Variants in PRKN observed in about 807,000 individuals in gnomAD.
The protein encoded by PRKN is parkin RBR E3 ubiquitin protein ligase.
A neutral mutation model predicts 59.5 loss-of-function variants in PRKN; 56 were observed. The observed-to-expected ratio is 0.94, with a 90% CI of 0.76 to 1.18. PRKN has a LOEUF of 1.18. Ranked by LOEUF, PRKN falls within the 50% of genes most tolerant of loss-of-function variation. The pLI is 0.00. For synonymous variants in PRKN, 250 were observed against 222.1 expected (o/e 1.13, Z -1.12); for missense variants, 657 against 596.4 (o/e 1.10, Z -1.06).
chr6:162,321,372 C>T (rs1783017250), intron 2 of PRKN, among the ~76,000 whole-genome samples: 1 of 151,854 alleles, frequency 6.6e-6, no homozygotes, highest in Non-Finnish European at 1.5e-5. Flanking sequence ...ATTGAAGAAA[C>T]TGATACTGCA....
At chr6:161,979,871 T>A (rs555902874) in intron 5 of PRKN, among the ~76,000 whole-genome samples, 7 of 152,286 alleles carry the variant, frequency 4.6e-5, no homozygotes, top group Non-Finnish European at 1.0e-4. Context: ...CCTTCACCCA[T>A]GACTCATAAG....
intron 9 of PRKN, among the ~76,000 whole-genome samples, chr6:161,436,847 G>T (rs1344257431): frequency 6.6e-6 from 1 of 151,996 alleles, no homozygotes; most frequent in Non-Finnish European, 1.5e-5. Context: ...CTCTCTATGT[G>T]TTAGGTTCCA....
At chr6:161,946,418 T>A (rs78764028) in intron 6 of PRKN, among the ~76,000 whole-genome samples, 5,201 of 34,660 alleles carry the variant, frequency 0.15, 183 homozygotes, top group African/African-American at 0.26. Flanking sequence ...ACACACACTC[T>A]CTCTCTCTCT....
chr6:162,077,914 T>A (rs1056578015), intron 4 of PRKN, among the ~76,000 whole-genome samples: 1 of 149,190 alleles, frequency 6.7e-6, no homozygotes, highest in African/African-American at 2.5e-5. Flanking sequence ...GGCAGGATAA[T>A]CACTTGAACT....
chr6:162,453,042 G>T (rs921937423), intron 1 of PRKN, among the ~76,000 whole-genome samples: 1 of 152,126 alleles, frequency 6.6e-6, no homozygotes, highest in African/African-American at 2.4e-5. Context: ...AAGGTGGATC[G>T]CAAGGCTCAA....
intron 2 of PRKN, among the ~76,000 whole-genome samples, chr6:162,379,331 C>T (rs1250340662): frequency 1.3e-5 from 2 of 152,132 alleles, no homozygotes; most frequent in Non-Finnish European, 2.9e-5. Flanking sequence ...GTCCTCAATT[C>T]ATTGTCCTTC....
intron 1 of PRKN, among the ~76,000 whole-genome samples, chr6:162,565,727 TAC>T: frequency 6.6e-6 from 1 of 151,544 alleles, no homozygotes; most frequent in East Asian, 2.0e-4. Flanking sequence ...CATACATACA[TAC>T]ATACATACAT....
intron 2 of PRKN, among the ~76,000 whole-genome samples, chr6:162,408,777 T>A (rs762227860): frequency 6.6e-6 from 1 of 152,154 alleles, no homozygotes; most frequent in Non-Finnish European, 1.5e-5. Context: ...GAAGCTCATG[T>A]CTCATCTTCA....
chr6:161,514,754 G>T (rs1414835379), intron 9 of PRKN, among the ~76,000 whole-genome samples: 1 of 152,148 alleles, frequency 6.6e-6, no homozygotes, highest in African/African-American at 2.4e-5. Flanking sequence ...CTTTGTTGCT[G>T]TGGGAACCAG....
At chr6:162,459,434 T>A (rs182574439) in intron 1 of PRKN, among the ~76,000 whole-genome samples, 3 of 152,348 alleles carry the variant, frequency 2.0e-5, no homozygotes, top group African/African-American at 7.2e-5. Flanking sequence ...GTCAGTTAGA[T>A]GGTCAGTAAA....
At chr6:162,481,314 T>C (rs1213641357) in intron 1 of PRKN, among the ~76,000 whole-genome samples, 2 of 152,198 alleles carry the variant, frequency 1.3e-5, no homozygotes, top group Non-Finnish European at 2.9e-5. Flanking sequence ...CTCATGTCCA[T>C]GGAGAGGTAA....
In PRKN at chr6:161,548,684, C is replaced by G. The variant is rs1246756063; in HGVS notation, c.1083+170G>C. The stretch of plus-strand genomic sequence containing the variant: ...TCACCAAAATAAATACATAAATTTT[C>G]AAATCTGGAGTCCTATAAAGGAATT... On this transcript the variant is annotated intron_variant, in intron 9 of 11. Transcript: ENST00000366898. This position sits in a 1 kb window ranked among gnomAD's most constrained non-coding sequence, Gnocchi z 4.2. The G allele has an allele frequency of 9.2e-6, 6 of 655,448 alleles. No individual in the cohort carries two copies. Among genetic ancestry groups the G allele is most frequent in the Non-Finnish European group, 1.6e-5 (6 of 378,390 alleles). 40.6% of individuals were successfully genotyped at this position (655,448 alleles called of 1,614,324 possible).
intron 1 of PRKN, among the ~76,000 whole-genome samples, chr6:162,659,966 T>C (rs533562058): frequency 2.0e-5 from 3 of 152,058 alleles, no homozygotes; most frequent in East Asian, 1.9e-4. Flanking sequence ...AAGAACAATA[T>C]TAAAAACCCT....
intron 6 of PRKN, among the ~76,000 whole-genome samples, chr6:161,798,990 G>A (rs551262083): frequency 2.7e-4 from 41 of 152,244 alleles, no homozygotes; most frequent in Non-Finnish European, 5.0e-4. Context: ...CTATGTTCTC[G>A]CCAGACTAGA....
intron 9 of PRKN, among the ~76,000 whole-genome samples, chr6:161,500,865 T>G (rs1449906896): frequency 2.0e-5 from 2 of 97,808 alleles, no homozygotes; most frequent in Non-Finnish European, 1.9e-5. Context: ...TTTAGTTTAG[T>G]TTTTTTTTTT....
At chr6:162,665,449 T>C (rs938895125) in intron 1 of PRKN, among the ~76,000 whole-genome samples, 1 of 151,650 alleles carries the variant, frequency 6.6e-6, no homozygotes, top group Non-Finnish European at 1.5e-5. Flanking sequence ...ACAAAGAGAA[T>C]AAAATACCTA....
intron 9 of PRKN, among the ~76,000 whole-genome samples, chr6:161,437,165 T>A (rs1442878791): frequency 6.6e-6 from 1 of 152,152 alleles, no homozygotes; most frequent in African/African-American, 2.4e-5. Context: ...AGAGCAGGTA[T>A]AATGGTGCGA....
In PRKN at chr6:161,593,987, TA is replaced by T. The variant is rs759161543; in HGVS notation, c.872-24572del. On this transcript the variant is annotated intron_variant, in intron 7 of 11. Coordinates refer to ENST00000366898, the MANE Select transcript of PRKN (RefSeq NM_004562.3). The surrounding 1 kb of genome is among the most constrained non-coding windows in gnomAD (Gnocchi z 4.8). ...CAACATAGTGAAACCCCATCTCTACTAAAAAAAAAAAACAAAAAACAAAAAC... is the reference window on the plus strand; with the variant it reads ...CAACATAGTGAAACCCCATCTCTACTAAAAAAAAAAACAAAAAACAAAAAC... Among the ~76,000 whole-genome samples, 95 of 135,102 alleles carry T rather than the reference TA, an allele frequency of 7.0e-4. No individual in the cohort carries two copies. The highest frequency in any genetic ancestry group is 7.5e-3 in the Middle Eastern group (2 of 266). The allele number at this position is 135,102 out of a possible 152,430, so 88.6% of individuals were successfully genotyped here.
chr6:162,670,062 C>T (rs886794351), intron 1 of PRKN, among the ~76,000 whole-genome samples: 1 of 152,120 alleles, frequency 6.6e-6, no homozygotes, highest in African/African-American at 2.4e-5. Context: ...TAAAAGTATC[C>T]TTGGTAAAGT....
Sources: gnomAD v4.1 joint callset for allele counts (sites outside exome capture counted in the v4.1 genomes callset) on GRCh38, gnomAD v4.1.1 for gene constraint, Gnocchi (gnomAD v3.1) non-coding constraint, MANE v1.5 for transcripts, NCBI Gene and HGNC (gene_info 2026-07-23, HGNC 2026-07-21) for gene names.